The following PRMT3 variants were observed in gnomAD, a reference collection of about 807,000 sequenced individuals.
PRMT3 encodes the protein protein arginine methyltransferase 3, also known as protein arginine N-methyltransferase 3.
Under a neutral mutation model 71.9 loss-of-function variants are expected in PRMT3, and 62 were observed. The ratio of observed to expected loss-of-function variants is 0.86; its 90% CI spans 0.70 to 1.07. The LOEUF (loss-of-function observed/expected upper bound fraction) is 1.07, where lower values mean the gene tolerates loss of function less well. Among genes scored for constraint, PRMT3 ranks in the 50% least tolerant of loss-of-function variants. PRMT3 has a pLI of 0.00. For missense variants in PRMT3, 663 were observed against 643.0 expected, an observed-to-expected ratio of 1.03 and a Z score of -0.34; for synonymous variants, 213 against 220.4, an observed-to-expected ratio of 0.97 and a Z score of 0.30.
chr11:20,506,549 AAAAT>A (rs1157001284), intron 15 of PRMT3, among the ~76,000 whole-genome samples: 4 of 152,062 alleles, frequency 2.6e-5, no homozygotes, highest in African/African-American at 7.2e-5. Context: ...TTATATTCTG[AAAAT>A]AAATATAACA....
At chr11:20,450,657 G>T (rs1017227337) in intron 10 of PRMT3, among the ~76,000 whole-genome samples, 1 of 152,054 alleles carries the variant, frequency 6.6e-6, no homozygotes, top group Non-Finnish European at 1.5e-5. Flanking sequence ...GAGCTGGGGG[G>T]AATAGGTCAA....
At chr11:20,477,809 C>A (rs1033057848) in intron 13 of PRMT3, among the ~76,000 whole-genome samples, 1 of 143,218 alleles carries the variant, frequency 7.0e-6, no homozygotes, top group Non-Finnish European at 1.5e-5. Context: ...GAAACCCCCC[C>A]CCCCCACTTC....
chr11:20,430,632 A>G (rs1159414360), intron 10 of PRMT3, among the ~76,000 whole-genome samples: 1 of 152,116 alleles, frequency 6.6e-6, no homozygotes, highest in Admixed American at 6.6e-5. Flanking sequence ...GGTGTACAAC[A>G]TGATGTTTTG....
At chr11:20,437,357 A>G (rs1011922096) in intron 10 of PRMT3, among the ~76,000 whole-genome samples, 2 of 152,080 alleles carry the variant, frequency 1.3e-5, no homozygotes, top group Non-Finnish European at 2.9e-5. Flanking sequence ...AAATCATTCA[A>G]CTTTTTTGAT....
intron 13 of PRMT3, among the ~76,000 whole-genome samples, chr11:20,489,328 A>C (rs1171861671): frequency 6.6e-6 from 1 of 152,150 alleles, no homozygotes; most frequent in East Asian, 1.9e-4. Flanking sequence ...CCCCCTCAGC[A>C]GTTCTCATTG....
chr11:20,478,099 T>G (rs548303138), intron 13 of PRMT3, among the ~76,000 whole-genome samples: 71 of 152,300 alleles, frequency 4.7e-4, no homozygotes, highest in Non-Finnish European at 7.2e-4. Context: ...AAGAATTTAT[T>G]CCCCTCTGGA....
chr11:20,399,982 A>G (rs757271207), intron 7 of PRMT3, among the ~76,000 whole-genome samples: 6 of 152,216 alleles, frequency 3.9e-5, no homozygotes, highest in Admixed American at 2.0e-4. Flanking sequence ...TTAAATGTCT[A>G]TAGGACATAT....
chr11:20,433,257 C>T (rs537887762), intron 10 of PRMT3, among the ~76,000 whole-genome samples: 3 of 152,004 alleles, frequency 2.0e-5, no homozygotes, highest in African/African-American at 4.8e-5. Context: ...TTCTCGTATT[C>T]GTGAGTTCTC....
At chr11:20,425,632 T>C (rs1463268265) in intron 9 of PRMT3, among the ~76,000 whole-genome samples, 1 of 152,204 alleles carries the variant, frequency 6.6e-6, no homozygotes, top group African/African-American at 2.4e-5. Flanking sequence ...ATCATGCTTA[T>C]TGGAGGAAGC....
chr11:20,466,022 G>A (rs951022385), intron 13 of PRMT3, among the ~76,000 whole-genome samples: 6 of 152,034 alleles, frequency 3.9e-5, no homozygotes, highest in African/African-American at 1.4e-4. Flanking sequence ...TATTTTCAGT[G>A]CCTATCACAT....
At chr11:20,437,182 T>C (rs1264220549) in intron 10 of PRMT3, among the ~76,000 whole-genome samples, 1 of 152,104 alleles carries the variant, frequency 6.6e-6, no homozygotes, top group Non-Finnish European at 1.5e-5. Context: ...GTCTAGCTAA[T>C]GGTGTGTCAA....
At chr11:20,475,111 A>G (rs1197879811) in intron 13 of PRMT3, among the ~76,000 whole-genome samples, 1 of 152,258 alleles carries the variant, frequency 6.6e-6, no homozygotes, top group Non-Finnish European at 1.5e-5. Flanking sequence ...AAGGACATAG[A>G]ATGTACTACT....
intron 10 of PRMT3, among the ~76,000 whole-genome samples, chr11:20,448,689 T>C (rs1247647325): frequency 2.0e-5 from 3 of 152,166 alleles, no homozygotes; most frequent in Admixed American, 6.6e-5. Context: ...ATCACTAATG[T>C]ATCTAATCCA....
intron 10 of PRMT3, among the ~76,000 whole-genome samples, chr11:20,449,769 A>C (rs1286661404): frequency 6.6e-6 from 1 of 152,122 alleles, no homozygotes; most frequent in East Asian, 1.9e-4. Flanking sequence ...CATTTTAACA[A>C]ATATAATATT....
In PRMT3 at chr11:20,508,469, A is replaced by G; in HGVS notation, c.*56A>G. 1 of 1,217,052 alleles carries G rather than the reference A, an allele frequency of 8.2e-7. No homozygotes were observed. The highest frequency in any genetic ancestry group is 1.2e-6 in the Non-Finnish European group (1 of 818,788). The allele number at this position is 1,217,052 out of a possible 1,614,324, so 75.4% of individuals were successfully genotyped here. On this transcript the variant is annotated 3_prime_UTR_variant, in exon 16 of 16. Transcript: ENST00000331079. ...TTTTAATGTGGGGGTAGAGTGGGTC[A>G]GCAGGAGGGAGCTGGTTTTATGTGA...
intron 7 of PRMT3, among the ~76,000 whole-genome samples, chr11:20,398,868 A>C (rs1358022395): frequency 6.6e-6 from 1 of 152,356 alleles, no homozygotes; most frequent in Admixed American, 6.5e-5. Flanking sequence ...TCACACAACA[A>C]CACATTTCTC....
intron 13 of PRMT3, among the ~76,000 whole-genome samples, chr11:20,487,787 A>G (rs1051750271): frequency 6.6e-6 from 1 of 152,230 alleles, no homozygotes; most frequent in Non-Finnish European, 1.5e-5. Flanking sequence ...TGTCAAAATG[A>G]AAGTATTCGT....
rs532995495 is a variant in PRMT3, at chr11:20,491,838, A to G, written c.1348-2081A>G. On this transcript the variant is annotated intron_variant, in intron 13 of 15. Transcript: ENST00000331079. ...AGGCTGAGACTTCTGCATTTCCTAC[A>G]TACAGAATTAGATCTTTTCTAGCTC... Among the ~76,000 whole-genome samples, 3 of 152,302 alleles carry G rather than the reference A, an allele frequency of 2.0e-5. No homozygotes were observed. In the South Asian group the frequency reaches 6.2e-4, roughly 32 times the overall value.
At chr11:20,410,960 T>C (rs1590043688) in intron 9 of PRMT3, among the ~76,000 whole-genome samples, 1 of 152,222 alleles carries the variant, frequency 6.6e-6, no homozygotes, top group African/African-American at 2.4e-5. Flanking sequence ...CTTTCACTTA[T>C]AAAGCCAGAG....
Sources: gnomAD v4.1 joint callset for allele counts (sites outside exome capture counted in the v4.1 genomes callset) on GRCh38, gnomAD v4.1.1 for gene constraint, MANE v1.5 for transcripts, NCBI Gene and HGNC (gene_info 2026-07-23, HGNC 2026-07-21) for gene names.